ZNF430: variants seen among roughly 807,000 people sequenced by gnomAD.
ZNF430 encodes zinc finger protein 430.
A neutral mutation model predicts 56.7 loss-of-function variants in ZNF430; 35 were observed. The observed-to-expected ratio is 0.62, with a 90% confidence interval of 0.47 to 0.82. The LOEUF (loss-of-function observed/expected upper bound fraction) is 0.82. Among genes scored for constraint, ZNF430 ranks in the 40% least tolerant of loss-of-function variants. The pLI, the probability that ZNF430 is intolerant of heterozygous loss-of-function variation, is 0.00. For synonymous variants in ZNF430, 212 were observed against 224.3 expected, an observed-to-expected ratio of 0.94 and a Z score of 0.49; for missense variants, 574 against 661.0, an observed-to-expected ratio of 0.87 and a Z score of 1.44.
At chr19:21,054,621 T>C (rs1568593001) in intron 4 of ZNF430, among the ~76,000 whole-genome samples, 2 of 151,618 alleles carry the variant, frequency 1.3e-5, no homozygotes, top group Non-Finnish European at 2.9e-5. Context: ...GTTATAAATA[T>C]CTTTGTGTGT....
intron 2 of ZNF430, 76 bp from the exon 3 acceptor site, chr19:21,033,380 C>A: frequency 1.3e-6 from 2 of 1,515,986 alleles, no homozygotes; most frequent in Non-Finnish European, 1.8e-6. Context: ...TGTCATTTCA[C>A]TTTAATTCAA....
At chr19:21,027,662 T>C (rs1967828917) in intron 2 of ZNF430, among the ~76,000 whole-genome samples, 2 of 151,976 alleles carry the variant, frequency 1.3e-5, no homozygotes, top group Non-Finnish European at 2.9e-5. Context: ...ATATAATGAG[T>C]TGAAAAGGAG....
intron 2 of ZNF430, among the ~76,000 whole-genome samples, chr19:21,023,292 T>G (rs1967731499): frequency 6.6e-6 from 1 of 152,078 alleles, no homozygotes; most frequent in Non-Finnish European, 1.5e-5. Context: ...GAAACATGAG[T>G]CAGACACATC....
chr19:21,048,985 C>G (rs1393555424), intron 4 of ZNF430, among the ~76,000 whole-genome samples: 2 of 152,004 alleles, frequency 1.3e-5, no homozygotes, highest in Non-Finnish European at 2.9e-5. Flanking sequence ...CACCTGAGGT[C>G]AGGAGTTTGA....
At chr19:21,045,750 G>A (rs372759138) in intron 4 of ZNF430, among the ~76,000 whole-genome samples, 24 of 151,934 alleles carry the variant, frequency 1.6e-4, no homozygotes, top group South Asian at 4.1e-4. Flanking sequence ...ATAAATCTGG[G>A]TCCTCCTTGA....
chr19:21,038,959 G>T (rs1255228970), intron 4 of ZNF430, among the ~76,000 whole-genome samples: 2 of 151,846 alleles, frequency 1.3e-5, no homozygotes, highest in African/African-American at 4.8e-5. Context: ...TTGATTGACT[G>T]ATTGATTCGA....
rs369511822 is a variant in ZNF430, at chr19:21,034,169, G to T, written c.307G>T (p.Val103Leu). The change falls in exon 4 of 5, where the codon GTA becomes TTA. Residue 103 changes from valine (V) to leucine (L), a missense_variant. Around this residue, in one of 3 missense-constraint regions of ZNF430, gnomAD observed 346 missense variants for 399.1 expected, o/e 0.87. Coordinates refer to ENST00000261560, the MANE Select transcript of ZNF430 (RefSeq NM_025189.4). ...CTGGAATATGAAGAGACATGCGATG[G>T]TAGATCAACCCCCAGGTAGGTGAGA... The part of the protein sequence containing the change: ...EPWNMKRHAM[V>L]DQPPVTYSHF... 3.1e-6 allele frequency: 5 copies of T among 1,603,646 alleles called. No individual in the cohort carries two copies. The African/African-American group carries it at 5.4e-5, about 17-fold the overall frequency.
At chr19:21,044,206 C>T (rs112432762) in intron 4 of ZNF430, among the ~76,000 whole-genome samples, 10,768 of 151,976 alleles carry the variant, frequency 0.071, 464 homozygotes, top group Non-Finnish European at 0.086. Context: ...CGGTATGATA[C>T]TGGCTGTGGG....
Position 21,058,088 on chromosome 19 carries a change from G to A in ZNF430, c.*67G>A. On this transcript the variant is annotated 3_prime_UTR_variant, in exon 5 of 5. Transcript: ENST00000261560. The stretch of plus-strand genomic sequence containing the variant: ...AACATAAGAACATTCATACTGAAGA[G>A]GAACCCTATGAGTGTGAAGAATATG... The A allele has an allele frequency of 1.4e-6, 2 of 1,408,206 alleles. No homozygotes were observed. Among genetic ancestry groups the A allele is most frequent in the African/African-American group, 1.4e-5 (1 of 69,674 alleles). The allele number at this position is 1,408,206 out of a possible 1,614,324, so 87.2% of individuals were successfully genotyped here. A position where few individuals can be genotyped will look rare whatever the true frequency, so the allele number is the denominator to read the frequency against.
intron 4 of ZNF430, chr19:21,049,607 G>A (rs1968246320): frequency 7.0e-6 from 1 of 142,710 alleles, no homozygotes; most frequent in African/African-American, 2.6e-5. Context: ...CACTATGTCT[G>A]GCCACCATGT....
intron 2 of ZNF430, among the ~76,000 whole-genome samples, chr19:21,029,171 C>G (rs1329563387): frequency 1.3e-5 from 2 of 152,078 alleles, no homozygotes; most frequent in African/African-American, 4.8e-5. Flanking sequence ...CCTTACTATC[C>G]AGGAACATGT....
chr19:21,023,205 T>C (rs1171922988), intron 2 of ZNF430, among the ~76,000 whole-genome samples: 1 of 152,172 alleles, frequency 6.6e-6, no homozygotes, highest in Non-Finnish European at 1.5e-5. Context: ...TGGTATCTCC[T>C]GAGTGGGTGG....
intron 4 of ZNF430, among the ~76,000 whole-genome samples, chr19:21,047,481 C>T (rs959850910): frequency 6.6e-6 from 1 of 152,162 alleles, no homozygotes; most frequent in Admixed American, 6.5e-5. Context: ...TTTCTAGCTT[C>T]GATCTTTGAG....
At chr19:21,022,538 A>G (rs1967712218) in intron 1 of ZNF430, among the ~76,000 whole-genome samples, 1 of 152,118 alleles carries the variant, frequency 6.6e-6, no homozygotes, top group Non-Finnish European at 1.5e-5. Flanking sequence ...ATCCCCTGAC[A>G]CTGTGTTGTA....
intron 2 of ZNF430, among the ~76,000 whole-genome samples, chr19:21,024,121 C>T (rs1030768562): frequency 2.0e-5 from 3 of 152,118 alleles, no homozygotes; most frequent in Admixed American, 6.5e-5. Context: ...GAGTTTATTA[C>T]AGGCCCAGTT....
chr19:21,021,680 G>T (rs1319930778), intron 1 of ZNF430, among the ~76,000 whole-genome samples: 1 of 152,090 alleles, frequency 6.6e-6, no homozygotes, highest in Non-Finnish European at 1.5e-5. Context: ...GTTAGGTACC[G>T]TTATGTAGTT....
intron 4 of ZNF430, among the ~76,000 whole-genome samples, chr19:21,051,993 A>T (rs1462999668): frequency 6.7e-6 from 1 of 150,034 alleles, no homozygotes; most frequent in African/African-American, 2.5e-5. Flanking sequence ...TGAGAAATTA[A>T]AAAAAAAATT....
Position 21,054,669 on chromosome 19 carries a change from C to CTTTTTTTT in ZNF430, c.323-1945_323-1938dup, listed in dbSNP as rs55772412. ...TTTTTGAGCTTCTTCATTTTTACGT[C>CTTTTTTTT]TTTTTTTTTTTTTTTTTTTTTTTTG... On this transcript the variant is annotated intron_variant, in intron 4 of 4. Coordinates refer to ENST00000261560, the MANE Select transcript of ZNF430 (RefSeq NM_025189.4). Among the ~76,000 whole-genome samples, 31 of 65,588 alleles carry CTTTTTTTT rather than the reference C, an allele frequency of 4.7e-4. 1 individual carries two copies. Among genetic ancestry groups the CTTTTTTTT allele is most frequent in the South Asian group, 8.0e-4 (1 of 1,250 alleles). The allele number at this position is 65,588 out of a possible 152,430, so 43.0% of individuals were successfully genotyped here.
At chr19:21,049,640 G>A (rs1968247392) in intron 4 of ZNF430, 1 of 148,694 alleles carries the variant, frequency 6.7e-6, no homozygotes. Flanking sequence ...TACATTTCGT[G>A]CAACATTTCT....
Sources: gnomAD v4.1 joint callset for allele counts (sites outside exome capture counted in the v4.1 genomes callset) on GRCh38, gnomAD v4.1.1 for gene constraint, gnomAD v4.1.1 regional missense constraint, MANE v1.5 for transcripts, NCBI Gene and HGNC (gene_info 2026-07-23, HGNC 2026-07-21) for gene names.